CAMSAP2: variants seen among roughly 807,000 people sequenced by gnomAD.
CAMSAP2 encodes the protein calmodulin regulated spectrin associated protein family member 2.
A neutral mutation model predicts 146.1 loss-of-function variants in CAMSAP2; 26 were observed. That is an observed-to-expected ratio of 0.18 (90% CI 0.13 to 0.25). The LOEUF (loss-of-function observed/expected upper bound fraction) is 0.25, where lower values mean the gene tolerates loss of function less well. CAMSAP2 is among the 10% of genes least tolerant of loss of function. The probability of loss-of-function intolerance (pLI) is 1.00; values close to 1 mark genes in which losing one functional copy is unlikely to be tolerated. For missense variants in CAMSAP2, 1,381 were observed against 1,759.3 expected, an observed-to-expected ratio of 0.78 and a Z score of 3.85; for synonymous variants, 499 against 596.6, an observed-to-expected ratio of 0.84 and a Z score of 2.38.
At chr1:200,787,723 G>T (rs959289545) in intron 2 of CAMSAP2, among the ~76,000 whole-genome samples, 1 of 152,150 alleles carries the variant, frequency 6.6e-6, no homozygotes, top group African/African-American at 2.4e-5. Context: ...CTATCAAATG[G>T]CATCACATAT....
intron 2 of CAMSAP2, among the ~76,000 whole-genome samples, chr1:200,792,609 C>T (rs1188334002): frequency 3.9e-5 from 6 of 152,182 alleles, no homozygotes; most frequent in African/African-American, 9.7e-5. Context: ...GGCACCACTG[C>T]GCTCCAGCCT....
intron 4 of CAMSAP2, among the ~76,000 whole-genome samples, chr1:200,828,310 A>G (rs1057070541): frequency 2.0e-5 from 3 of 152,184 alleles, no homozygotes; most frequent in Non-Finnish European, 4.4e-5. Flanking sequence ...TTTTGCTGCT[A>G]AAGTATACAG....
chr1:200,744,765 A>C (rs1664273942), intron 1 of CAMSAP2, among the ~76,000 whole-genome samples: 2 of 152,158 alleles, frequency 1.3e-5, no homozygotes, highest in Non-Finnish European at 2.9e-5. Flanking sequence ...GAAAGTAGGC[A>C]TGGTAGATGG....
At chr1:200,838,181 A>C (rs1160497464) in intron 6 of CAMSAP2, among the ~76,000 whole-genome samples, 1 of 152,174 alleles carries the variant, frequency 6.6e-6, no homozygotes, top group Non-Finnish European at 1.5e-5. Context: ...CAAATAGTAC[A>C]ATTAATGTTA....
rs747809258 is a variant in CAMSAP2 at position 200,852,527 on chromosome 1, A to C, written c.3466-14A>C. The C allele has an allele frequency of 1.3e-6, 2 of 1,597,910 alleles. No homozygotes were observed. The highest frequency in any genetic ancestry group is 8.5e-7 in the Non-Finnish European group (1 of 1,175,134). On this transcript the variant is annotated splice_polypyrimidine_tract_variant and intron_variant, in intron 11 of 16. Transcript: ENST00000358823. The stretch of plus-strand genomic sequence containing the variant: ...CTAAAATGTTTGATCGTTTTCAATG[A>C]AATTCGTTCTTAGGATGATCAAAAA...
chr1:200,853,309 G>C lies in CAMSAP2; in HGVS notation c.3637G>C (p.Asp1213His). The change falls in exon 13 of 17, where the codon GAT becomes CAT. Residue 1213 changes from aspartate (D) to histidine (H), a missense_variant. This residue lies in a region of CAMSAP2 where 560 missense variants were observed against 715.9 expected (regional missense o/e 0.78). Transcript: ENST00000358823. This position sits in a 1 kb window ranked among gnomAD's most constrained non-coding sequence, Gnocchi z 5.1. ...KTEEERQKKE[D>H]ERARREFIRQ... ...TGAGGAAGAACGTCAGAAGAAAGAA[G>C]ATGAGAGAGCACGCAGAGAATTTAT... The C allele has an allele frequency of 6.2e-7, 1 of 1,613,536 alleles. No homozygotes were observed. Among genetic ancestry groups the C allele is most frequent in the Non-Finnish European group, 8.5e-7 (1 of 1,179,908 alleles).
chr1:200,806,611 A>ATT (rs1666176746), intron 2 of CAMSAP2, among the ~76,000 whole-genome samples: 1 of 152,180 alleles, frequency 6.6e-6, no homozygotes, highest in African/African-American at 2.4e-5. Context: ...GGTAATGCCA[A>ATT]GCAGTGTAAA....
chr1:200,786,503 C>A (rs553979401), intron 2 of CAMSAP2, among the ~76,000 whole-genome samples: 1 of 152,194 alleles, frequency 6.6e-6, no homozygotes, highest in East Asian at 1.9e-4. Context: ...CCATCCTCAG[C>A]CTCCTGAGTA....
chr1:200,817,042 A>G (rs1429261441), intron 4 of CAMSAP2, among the ~76,000 whole-genome samples: 1 of 141,438 alleles, frequency 7.1e-6, no homozygotes, highest in Non-Finnish European at 1.6e-5. Flanking sequence ...ACCCACATAC[A>G]CACGTGTATG....
chr1:200,754,678 G>C (rs1479780661), intron 1 of CAMSAP2, among the ~76,000 whole-genome samples: 1 of 150,166 alleles, frequency 6.7e-6, no homozygotes, highest in Non-Finnish European at 1.5e-5. Flanking sequence ...TGCCTCCCGG[G>C]TTCATGCCAT....
At chr1:200,768,963 C>T (rs985517887) in intron 2 of CAMSAP2, among the ~76,000 whole-genome samples, 8 of 151,916 alleles carry the variant, frequency 5.3e-5, no homozygotes, top group African/African-American at 1.2e-4. Flanking sequence ...GGAGAGACCT[C>T]GTTAAGGTAG....
intron 2 of CAMSAP2, among the ~76,000 whole-genome samples, chr1:200,761,502 G>A (rs967903442): frequency 5.9e-5 from 9 of 152,164 alleles, no homozygotes; most frequent in East Asian, 1.9e-4. Context: ...TTGGGAGGCC[G>A]AGGCGGGCAG....
chr1:200,767,684 T>G (rs978077287), intron 2 of CAMSAP2, among the ~76,000 whole-genome samples: 1 of 152,222 alleles, frequency 6.6e-6, no homozygotes, highest in African/African-American at 2.4e-5. Flanking sequence ...GTCACCCTTG[T>G]ATATGAGTGG....
At chr1:200,825,448 T>C (rs1348474600) in intron 4 of CAMSAP2, among the ~76,000 whole-genome samples, 1 of 152,138 alleles carries the variant, frequency 6.6e-6, no homozygotes, top group Admixed American at 6.5e-5. Flanking sequence ...TCAGTAACTG[T>C]ATATCCTGGA....
chr1:200,790,900 A>C (rs1665731543), intron 2 of CAMSAP2, among the ~76,000 whole-genome samples: 1 of 151,904 alleles, frequency 6.6e-6, no homozygotes, highest in African/African-American at 2.4e-5. Flanking sequence ...GCTGGAGTGC[A>C]ATGGTGCCAT....
chr1:200,797,033 G>C (rs1193342274), intron 2 of CAMSAP2, among the ~76,000 whole-genome samples: 1 of 152,146 alleles, frequency 6.6e-6, no homozygotes, highest in African/African-American at 2.4e-5. Context: ...GTATTCCATG[G>C]CGTGTATGTG....
In CAMSAP2 at chr1:200,849,001, G is replaced by C. The variant is rs528649127; in HGVS notation, c.2232G>C (p.Gln744His). ...TGLPQGRDTT[Q>H]LLASEMVHLR... is the part of the protein sequence containing the mutation. ...TTCCACAGGGACGGGACACTACCCA[G>C]CTGTTGGCCTCTGAAATGGTGCATC... The change falls in exon 11 of 17, where the codon CAG becomes CAC. Residue 744 changes from glutamine (Q) to histidine (H), a missense_variant. By Grantham distance (24) the Gln-to-His change is conservative (BLOSUM62 0). Transcript: ENST00000358823. The surrounding 1 kb of genome is among the most constrained non-coding windows in gnomAD (Gnocchi z 6.3). 2 of 1,614,146 alleles carry C rather than the reference G, an allele frequency of 1.2e-6. No individual in the cohort carries two copies. The highest frequency in any genetic ancestry group is 2.2e-5 in the South Asian group (2 of 91,084).
intron 6 of CAMSAP2, among the ~76,000 whole-genome samples, chr1:200,840,759 G>A (rs1442653486): frequency 1.3e-5 from 2 of 152,008 alleles, no homozygotes; most frequent in African/African-American, 4.8e-5. Flanking sequence ...CCATATCCAG[G>A]ATAATCTTAA....
At chr1:200,788,185 C>T (rs1313809640) in intron 2 of CAMSAP2, among the ~76,000 whole-genome samples, 1 of 152,194 alleles carries the variant, frequency 6.6e-6, no homozygotes, top group Non-Finnish European at 1.5e-5. Flanking sequence ...TAAATTTCCT[C>T]CCATGTATTT....
Sources: allele counts gnomAD v4.1 joint callset (sites outside exome capture counted in the v4.1 genomes callset), GRCh38; gene constraint gnomAD v4.1.1; regional missense constraint gnomAD v4.1.1; non-coding constraint Gnocchi (gnomAD v3.1); transcripts MANE v1.5; gene names NCBI Gene and HGNC (gene_info 2026-07-23, HGNC 2026-07-21).